ASPH: variants seen among roughly 807,000 people sequenced by gnomAD.
ASPH encodes aspartyl/asparaginyl beta-hydroxylase.
Under a neutral mutation model 118.4 loss-of-function variants are expected in ASPH, and 100 were observed. The observed-to-expected ratio is 0.84, with a 90% CI of 0.72 to 1.00. The LOEUF is 1.00. ASPH is among the 50% of genes least tolerant of loss of function. ASPH has a pLI of 0.00. For missense variants in ASPH, 920 were observed against 919.5 expected, an observed-to-expected ratio of 1.00 and a Z score of -0.01; for synonymous variants, 315 against 325.6, an observed-to-expected ratio of 0.97 and a Z score of 0.35.
intron 13 of ASPH, chr8:61,624,357 T>C (rs993398661): frequency 1.0e-6 from 1 of 985,408 alleles, no homozygotes; most frequent in Non-Finnish European, 1.2e-6. Context: ...TGTAGCATGA[T>C]AGTAAATGCA....
At position 61,591,777 on chromosome 8, in the gene ASPH, G is replaced by C. The variant is rs574015594; in HGVS notation, c.977-7748C>G. On this transcript the variant is annotated intron_variant, in intron 14 of 24. Transcript: ENST00000379454. Reference sequence around the variant, plus strand: ...CTGAAGCTTCGGGTTCTCTCCAGTAGACTCCAATGTCTGTACTCTTAACCA... The same window carrying C: ...CTGAAGCTTCGGGTTCTCTCCAGTACACTCCAATGTCTGTACTCTTAACCA... Among the ~76,000 whole-genome samples, 5 of 152,182 alleles carry C rather than the reference G, an allele frequency of 3.3e-5. No homozygotes were observed. In the South Asian group the frequency reaches 1.0e-3, roughly 32 times the overall value.
intron 14 of ASPH, among the ~76,000 whole-genome samples, chr8:61,584,972 G>A (rs911297254): frequency 2.6e-5 from 4 of 152,114 alleles, no homozygotes; most frequent in Non-Finnish European, 5.9e-5. Context: ...CACTGTGTGC[G>A]TCTTTAAGTC....
At chr8:61,504,179 G>T (rs1195651216) in intron 24 of ASPH, among the ~76,000 whole-genome samples, 1 of 152,146 alleles carries the variant, frequency 6.6e-6, no homozygotes, top group Non-Finnish European at 1.5e-5. Flanking sequence ...TCTAAATATA[G>T]TGTTAGTCTA....
At chr8:61,643,351 A>G (rs1157255158) in intron 9 of ASPH, 35 bp downstream of exon 9, 1 of 1,580,502 alleles carries the variant, frequency 6.3e-7, no homozygotes, top group Non-Finnish European at 8.6e-7. Context: ...ATCTAAGGTA[A>G]TATTTTAAAT....
intron 1 of ASPH, among the ~76,000 whole-genome samples, chr8:61,700,620 T>C (rs981162895): frequency 2.8e-4 from 42 of 152,172 alleles, no homozygotes; most frequent in African/African-American, 8.7e-4. Context: ...CCACAGGAAA[T>C]TGTCAGTTTC....
chr8:61,672,824 T>C (rs1315420309), intron 3 of ASPH, among the ~76,000 whole-genome samples: 1 of 152,182 alleles, frequency 6.6e-6, no homozygotes, highest in African/African-American at 2.4e-5. Context: ...TGAGTTTCTT[T>C]AAGCATTCCA....
At chr8:61,592,580 T>A (rs530767344) in intron 14 of ASPH, among the ~76,000 whole-genome samples, 5 of 152,214 alleles carry the variant, frequency 3.3e-5, no homozygotes, top group South Asian at 2.1e-4. Context: ...TGGAATTTGA[T>A]GAAAAATAAT....
intron 17 of ASPH, among the ~76,000 whole-genome samples, chr8:61,564,331 C>T (rs1375720665): frequency 7.0e-6 from 1 of 142,214 alleles, no homozygotes; most frequent in African/African-American, 2.6e-5. Context: ...TGGAGTCTTG[C>T]TCTGTCGCCC....
intron 20 of ASPH, among the ~76,000 whole-genome samples, chr8:61,551,335 A>G (rs1432568863): frequency 6.6e-6 from 1 of 152,230 alleles, no homozygotes; most frequent in African/African-American, 2.4e-5. Flanking sequence ...TGCTCTAGGC[A>G]TAAAAACGTG....
intron 18 of ASPH, among the ~76,000 whole-genome samples, chr8:61,557,191 C>T (rs1197456667): frequency 1.3e-5 from 2 of 152,130 alleles, no homozygotes; most frequent in African/African-American, 2.4e-5. Context: ...GTCCACTCTC[C>T]GCTTGCTAAA....
chr8:61,628,774 T>C (rs1243830731), intron 13 of ASPH, among the ~76,000 whole-genome samples: 1 of 152,154 alleles, frequency 6.6e-6, no homozygotes, highest in Non-Finnish European at 1.5e-5. Flanking sequence ...GTACTTATTT[T>C]ACTCCACCAT....
intron 15 of ASPH, among the ~76,000 whole-genome samples, chr8:61,577,312 C>T (rs937440417): frequency 1.4e-5 from 2 of 143,094 alleles, no homozygotes; most frequent in Non-Finnish European, 3.0e-5. Flanking sequence ...TGCACATGTA[C>T]CATAGAACTT....
rs149714779 is a variant in ASPH, at chr8:61,688,662, A to T, written c.104-4474T>A. On this transcript the variant is annotated intron_variant, in intron 1 of 24. Coordinates refer to ENST00000379454, the MANE Select transcript of ASPH (RefSeq NM_004318.4). ...TTTTTGAAAAACACAAAAACTGTCA[A>T]GCAACTCATCAAACTGATTATTTTT... 1.6e-4 allele frequency among the ~76,000 whole-genome samples: 24 copies of T among 152,348 alleles called. No homozygotes were observed. In the East Asian group the frequency reaches 4.6e-3, roughly 29 times the overall value.
intron 3 of ASPH, chr8:61,668,302 G>A: frequency 6.3e-7 from 1 of 1,575,154 alleles, no homozygotes; most frequent in Non-Finnish European, 8.6e-7. Context: ...GATGAAAATA[G>A]GTTATAAACA....
intron 1 of ASPH, among the ~76,000 whole-genome samples, chr8:61,704,586 T>C (rs1445587807): frequency 6.6e-6 from 1 of 152,122 alleles, no homozygotes; most frequent in Non-Finnish European, 1.5e-5. Flanking sequence ...ATATGTGCTA[T>C]ATATATCTGA....
At chr8:61,674,837 C>T (rs1055188938) in intron 3 of ASPH, among the ~76,000 whole-genome samples, 4 of 152,014 alleles carry the variant, frequency 2.6e-5, no homozygotes, top group African/African-American at 7.2e-5. Context: ...TTAAATAAAA[C>T]GTGAGGAAGT....
Position 61,556,011 on chromosome 8 carries a change from CA to C in ASPH, c.1448del (p.Val483GlyfsTer16). 1 of 1,613,532 alleles carries C rather than the reference CA, an allele frequency of 6.2e-7. No individual in the cohort carries two copies. ...CTTTAGCAAAGCCATCATTAGGTGTCACACTCAGCACCTAAACTCAAAGAAA... is the reference window on the plus strand; with the variant it reads ...CTTTAGCAAAGCCATCATTAGGTGTCCACTCAGCACCTAAACTCAAAGAAA... ...AKKVYEEVLS[V>X]TPNDGFAKVH... is the part of the protein sequence containing the mutation. On this transcript the variant is annotated frameshift_variant, in exon 19 of 25. Coordinates refer to ENST00000379454, the MANE Select transcript of ASPH (RefSeq NM_004318.4). LOFTEE classifies it high-confidence loss of function.
At chr8:61,506,777 CAG>C (rs1367350342) in intron 24 of ASPH, among the ~76,000 whole-genome samples, 11 of 152,058 alleles carry the variant, frequency 7.2e-5, no homozygotes, top group African/African-American at 2.4e-4. Context: ...AGATAAAAGA[CAG>C]AGGTGAAATG....
intron 10 of ASPH, among the ~76,000 whole-genome samples, chr8:61,638,879 A>G (rs1859134167): frequency 6.6e-6 from 1 of 152,206 alleles, no homozygotes; most frequent in Non-Finnish European, 1.5e-5. Context: ...ATCTCCACAC[A>G]GGCCTCTCCA....
Sources: gnomAD v4.1 joint callset for allele counts (sites outside exome capture counted in the v4.1 genomes callset) on GRCh38, gnomAD v4.1.1 for gene constraint, MANE v1.5 for transcripts, NCBI Gene and HGNC (gene_info 2026-07-23, HGNC 2026-07-21) for gene names.